Variants in COMMD2 observed in about 807,000 individuals in gnomAD.
COMMD2 encodes the protein COMM domain containing 2.
In COMMD2, 25 loss-of-function variants were observed where a neutral mutation model predicts 22.5. That is an observed-to-expected ratio of 1.11 (90% CI 0.81 to 1.55). The LOEUF (loss-of-function observed/expected upper bound fraction) is 1.55, where lower values mean the gene tolerates loss of function less well. Among genes scored for constraint, COMMD2 ranks in the 40% most tolerant of loss-of-function variants. The pLI is 0.00. For synonymous variants in COMMD2, 98 were observed against 91.2 expected (o/e 1.07, Z -0.42); for missense variants, 223 against 232.9 (o/e 0.96, Z 0.28).
At chr3:149,748,826 G>A (rs1228101235) in intron 4 of COMMD2, among the ~76,000 whole-genome samples, 1 of 152,196 alleles carries the variant, frequency 6.6e-6, no homozygotes. Flanking sequence ...TGATTTAAAC[G>A]GAGACTTACA....
chr3:149,751,199 A>G (rs887693872), intron 3 of COMMD2: 2 of 687,344 alleles, frequency 2.9e-6, no homozygotes, highest in Non-Finnish European at 4.7e-6. Context: ...AGGTACTTCT[A>G]TACTAGCTAT....
intron 3 of COMMD2, 99 bp downstream of exon 3, chr3:149,751,301 CATT>C: frequency 6.5e-7 from 1 of 1,547,234 alleles, no homozygotes; most frequent in Non-Finnish European, 8.7e-7. Context: ...CCATTAACAA[CATT>C]ATTAAAACAC....
chr3:149,742,976 A>G (rs1378349342), intron 4 of COMMD2, among the ~76,000 whole-genome samples: 34 of 139,566 alleles, frequency 2.4e-4, no homozygotes, highest in Admixed American at 2.7e-4. Flanking sequence ...AAAAAAAAAA[A>G]AAAAAGAAAA....
At chr3:149,741,781 T>G in intron 4 of COMMD2, 63 bp from the exon 5 acceptor site, 2 of 1,238,122 alleles carry the variant, frequency 1.6e-6, no homozygotes, top group Non-Finnish European at 2.4e-6. Context: ...TACATAATAT[T>G]TATAATTATC....
rs1380037355 is a variant in COMMD2 at position 149,741,144 on chromosome 3, A to T, written c.*377T>A. ...AGTGGCACAATCTCAGCTCACTGCA[A>T]CCTCCACCTCCCAGGTTCAAGCGAT... On this transcript the variant is annotated 3_prime_UTR_variant, in exon 5 of 5. Transcript: ENST00000473414. The T allele has an allele frequency of 6.0e-6, 1 of 167,248 alleles. No homozygotes were observed. Among genetic ancestry groups the T allele is most frequent in the Non-Finnish European group, 1.3e-5 (1 of 76,268 alleles). 10.4% of individuals were successfully genotyped at this position (167,248 alleles called of 1,614,324 possible). A position where few individuals can be genotyped will look rare whatever the true frequency, so the allele number is the denominator to read the frequency against.
At chr3:149,751,197 C>T in intron 3 of COMMD2, 1 of 679,716 alleles carries the variant, frequency 1.5e-6, no homozygotes, top group East Asian at 2.8e-5. Flanking sequence ...AGAGGTACTT[C>T]TATACTAGCT....
chr3:149,742,720 G>A (rs1716267988), intron 4 of COMMD2, among the ~76,000 whole-genome samples: 1 of 152,108 alleles, frequency 6.6e-6, no homozygotes, highest in Non-Finnish European at 1.5e-5. Flanking sequence ...TGTAATCTCA[G>A]CACTTTTGGG....
At chr3:149,750,442 T>C in intron 4 of COMMD2, 1 of 545,484 alleles carries the variant, frequency 1.8e-6, no homozygotes, top group Non-Finnish European at 3.4e-6. Context: ...AAAATCTATA[T>C]AACCATCTCC....
At chr3:149,750,523 AAATG>A (rs1716500108) in intron 4 of COMMD2, 151 bp downstream of exon 4, 10 of 542,620 alleles carry the variant, frequency 1.8e-5, no homozygotes, top group Non-Finnish European at 2.6e-5. Context: ...AAATAAAAGA[AAATG>A]AATGATTTGT....
intron 4 of COMMD2, among the ~76,000 whole-genome samples, chr3:149,745,099 A>T (rs1716332369): frequency 1.3e-5 from 2 of 152,168 alleles, no homozygotes; most frequent in Non-Finnish European, 1.5e-5. Flanking sequence ...CTACAAGATA[A>T]ATTACCTCTG....
chr3:149,745,262 G>A (rs775898801), intron 4 of COMMD2, among the ~76,000 whole-genome samples: 14 of 152,210 alleles, frequency 9.2e-5, no homozygotes, highest in African/African-American at 2.4e-4. Context: ...GTTCTTTGCC[G>A]TATCTACAGC....
chr3:149,744,019 T>C (rs1191006789), intron 4 of COMMD2, among the ~76,000 whole-genome samples: 1 of 152,184 alleles, frequency 6.6e-6, no homozygotes, highest in African/African-American at 2.4e-5. Context: ...AAACATCTAG[T>C]AAGACATTTT....
chr3:149,750,718 A>C lies in COMMD2; in HGVS notation c.362T>G (p.Leu121Arg), dbSNP rs1330481750. The change falls in exon 4 of 5, where the codon CTT (leucine) becomes CGT (arginine). Residue 121 changes from leucine (L) to arginine (R), a missense_variant. Transcript: ENST00000473414. ...RTILSELAPSLPSYHNLEWRL... is the reference protein window; with the variant it reads ...RTILSELAPSRPSYHNLEWRL... ...CCATTCAAGGTTATGATAACTGGGA[A>C]GGCTTGGTGCCAATTCACTCAGAAT... 1.9e-6 allele frequency: 3 copies of C among 1,595,532 alleles called. No individual in the cohort carries two copies. Among genetic ancestry groups the C allele is most frequent in the African/African-American group, 2.7e-5 (2 of 74,528 alleles).
At position 149,750,677 on chromosome 3, in the gene COMMD2, C is replaced by T. The variant is rs201925438; in HGVS notation, c.402+1G>A. 3.3e-5 allele frequency: 51 copies of T among 1,557,992 alleles called. No homozygotes were observed. The highest frequency in any genetic ancestry group is 3.9e-5 in the Non-Finnish European group (45 of 1,150,586). ...TTAAGTTAATTTTAAAAATGCTATA[C>T]CTGTACATCTAGTCGCCATTCAAGG... is the stretch of plus-strand genomic sequence containing the variant. On this transcript the variant is annotated splice_donor_variant, in intron 4 of 4. Transcript: ENST00000473414. LOFTEE classifies it high-confidence loss of function.
chr3:149,749,661 A>G (rs1356399422), intron 4 of COMMD2, among the ~76,000 whole-genome samples: 2 of 152,216 alleles, frequency 1.3e-5, no homozygotes, highest in Non-Finnish European at 2.9e-5. Flanking sequence ...GGCTTTTACA[A>G]CATATTCTGC....
Position 149,745,120 on chromosome 3 carries a change from A to G in COMMD2, c.403-3402T>C, listed in dbSNP as rs543493153. ...GATAAATTACCTCTGAGCCACATACATGACCATCCCCACATCTCCACCGGG... is the reference window on the plus strand; with the variant it reads ...GATAAATTACCTCTGAGCCACATACGTGACCATCCCCACATCTCCACCGGG... On this transcript the variant is annotated intron_variant, in intron 4 of 4. Coordinates refer to ENST00000473414, the MANE Select transcript of COMMD2 (RefSeq NM_016094.4). Among the ~76,000 whole-genome samples the G allele has an allele frequency of 1.3e-4, 20 of 152,248 alleles. No individual in the cohort carries two copies. In the East Asian group the frequency reaches 3.3e-3, roughly 25 times the overall value.
At chr3:149,751,811 T>C in intron 2 of COMMD2, 1 of 274,128 alleles carries the variant, frequency 3.6e-6, no homozygotes, top group Non-Finnish European at 6.7e-6. Flanking sequence ...GACTGCCTCT[T>C]ACCCAGGGGT....
At position 149,741,483 on chromosome 3, in the gene COMMD2, A is replaced by G. The variant is rs1178023458; in HGVS notation, c.*38T>C. ...AGTAATTGCTGTATATCATCAATTC[A>G]TAAGTGATTCAAATGAATTAAAACC... On this transcript the variant is annotated 3_prime_UTR_variant, in exon 5 of 5. Transcript: ENST00000473414. 3.3e-6 allele frequency: 5 copies of G among 1,510,510 alleles called. No homozygotes were observed. Among genetic ancestry groups the G allele is most frequent in the Admixed American group, 3.3e-5 (2 of 59,866 alleles). The allele number at this position is 1,510,510 out of a possible 1,614,324, so 93.6% of individuals were successfully genotyped here. A position where few individuals can be genotyped will look rare whatever the true frequency, so the allele number is the denominator to read the frequency against.
At chr3:149,749,083 C>T (rs990507011) in intron 4 of COMMD2, among the ~76,000 whole-genome samples, 1 of 151,684 alleles carries the variant, frequency 6.6e-6, no homozygotes, top group Non-Finnish European at 1.5e-5. Context: ...GGCACAATCT[C>T]GGCTCACTGC....
Sources: gnomAD v4.1 joint callset for allele counts (sites outside exome capture counted in the v4.1 genomes callset) on GRCh38, gnomAD v4.1.1 for gene constraint, MANE v1.5 for transcripts, NCBI Gene and HGNC (gene_info 2026-07-23, HGNC 2026-07-21) for gene names.